Variants in PIK3C2G observed in about 807,000 individuals in gnomAD.
PIK3C2G encodes phosphatidylinositol 3-kinase C2 domain-containing subunit gamma.
PIK3C2G carries 168 observed loss-of-function variants against 181.1 expected under a neutral mutation model. The ratio of observed to expected loss-of-function variants is 0.93; its 90% CI spans 0.82 to 1.05. The LOEUF is 1.05. Among genes scored for constraint, PIK3C2G ranks in the 50% least tolerant of loss-of-function variants. PIK3C2G has a pLI of 0.00. For synonymous variants in PIK3C2G, 573 were observed against 592.2 expected (o/e 0.97, Z 0.47); for missense variants, 1,869 against 1,732.8 (o/e 1.08, Z -1.40).
the PIK3C2G span, among the ~76,000 whole-genome samples, chr12:18,670,397 T>C: frequency 6.6e-6 from 1 of 152,048 alleles, no homozygotes; most frequent in East Asian, 1.9e-4. Context: ...AACATAGATA[T>C]TGTCTAGTTC....
At chr12:18,485,228 A>G (rs1157651504) in intron 18 of PIK3C2G, among the ~76,000 whole-genome samples, 1 of 152,142 alleles carries the variant, frequency 6.6e-6, no homozygotes, top group Non-Finnish European at 1.5e-5. Context: ...CTGCTGGTAG[A>G]CTGATGGAAT....
At chr12:18,462,605 T>C (rs566676678) in intron 18 of PIK3C2G, among the ~76,000 whole-genome samples, 2 of 152,250 alleles carry the variant, frequency 1.3e-5, no homozygotes, top group East Asian at 1.9e-4. Context: ...CCAGTGCCCA[T>C]GGGAAAGCTA....
intron 30 of PIK3C2G, 57 bp downstream of exon 30, chr12:18,594,626 A>C: frequency 1.1e-6 from 1 of 888,048 alleles, no homozygotes; most frequent in African/African-American, 1.8e-5. Flanking sequence ...TTGGACAAAA[A>C]GATATCACAA....
At chr12:18,645,506 G>A (rs1229843307) in intron 32 of PIK3C2G, among the ~76,000 whole-genome samples, 1 of 152,122 alleles carries the variant, frequency 6.6e-6, no homozygotes, top group Non-Finnish European at 1.5e-5. Context: ...AACTCCTAAA[G>A]TCATTTCTTG....
At chr12:18,506,285 G>A (rs902063533) in intron 24 of PIK3C2G, among the ~76,000 whole-genome samples, 11 of 152,140 alleles carry the variant, frequency 7.2e-5, no homozygotes, top group Non-Finnish European at 1.6e-4. Context: ...AGGAGGTAAG[G>A]GTGAAGAGTT....
At chr12:18,403,275 T>C (rs1225041476) in intron 16 of PIK3C2G, among the ~76,000 whole-genome samples, 3 of 152,206 alleles carry the variant, frequency 2.0e-5, no homozygotes, top group Non-Finnish European at 4.4e-5. Context: ...TCAGGGAACT[T>C]AGTAGAATCC....
the PIK3C2G span, chr12:18,705,073 T>G: frequency 2.7e-6 from 4 of 1,476,288 alleles, no homozygotes; most frequent in African/African-American, 2.8e-5. Context: ...AGCATTTTCA[T>G]TGGTCTCTAG....
At chr12:18,712,697 A>G in the PIK3C2G span, 3 of 984,856 alleles carry the variant, frequency 3.0e-6, no homozygotes, top group Non-Finnish European at 4.6e-6. Flanking sequence ...TATATACAAC[A>G]TGGATTTCAC....
chr12:18,319,298 C>T (rs56029004), intron 6 of PIK3C2G, among the ~76,000 whole-genome samples: 22,669 of 151,900 alleles, frequency 0.15, 2,115 homozygotes, highest in African/African-American at 0.24. Flanking sequence ...GGAACATTCA[C>T]GAACATTTAC....
At chr12:18,586,721 C>A (rs961632593) in intron 29 of PIK3C2G, among the ~76,000 whole-genome samples, 2 of 152,062 alleles carry the variant, frequency 1.3e-5, no homozygotes, top group Non-Finnish European at 2.9e-5. Flanking sequence ...TTCCATGAGG[C>A]CAGCATCATC....
At chr12:18,461,898 G>A (rs1200659124) in intron 18 of PIK3C2G, among the ~76,000 whole-genome samples, 1 of 152,166 alleles carries the variant, frequency 6.6e-6, no homozygotes, top group Admixed American at 6.6e-5. Flanking sequence ...GCCTCTTCCA[G>A]CTTCAAGAGA....
intron 1 of PIK3C2G, among the ~76,000 whole-genome samples, chr12:18,268,209 A>T (rs1020718066): frequency 6.6e-6 from 1 of 152,134 alleles, no homozygotes; most frequent in African/African-American, 2.4e-5. Flanking sequence ...CATATGATAA[A>T]AATTTAGTTG....
chr12:18,442,641 T>C lies in PIK3C2G; in HGVS notation c.2504+18602T>C, dbSNP rs556868700. 2.2e-4 allele frequency among the ~76,000 whole-genome samples: 33 copies of C among 152,266 alleles called. No individual in the cohort carries two copies. In the South Asian group the frequency reaches 6.8e-3, roughly 32 times the overall value. On this transcript the variant is annotated intron_variant, in intron 18 of 32. Coordinates refer to ENST00000538779, the MANE Select transcript of PIK3C2G (RefSeq NM_001288772.2). ...TAAAAGGAGAGAGGAGTAGCCATAT[T>C]ATGTTTCTAAAACAGGACTCATTGT...
At chr12:18,644,689 G>A (rs148316146) in intron 32 of PIK3C2G, among the ~76,000 whole-genome samples, 3 of 152,166 alleles carry the variant, frequency 2.0e-5, no homozygotes, top group African/African-American at 7.2e-5. Context: ...AAGACAATGT[G>A]ACCCAGAGGT....
chr12:18,609,730 T>C (rs1008940212), intron 31 of PIK3C2G, 101 bp downstream of exon 31: 10 of 674,918 alleles, frequency 1.5e-5, no homozygotes, highest in Non-Finnish European at 2.3e-5. Context: ...AGAATGGGTA[T>C]CTCCGCCAAG....
At chr12:18,291,407 G>C (rs1414164923) in intron 4 of PIK3C2G, among the ~76,000 whole-genome samples, 4 of 152,112 alleles carry the variant, frequency 2.6e-5, no homozygotes, top group South Asian at 4.2e-4. Flanking sequence ...GGTAGAATAG[G>C]CATTGTTACA....
the PIK3C2G span, among the ~76,000 whole-genome samples, chr12:18,705,848 A>C: frequency 6.7e-6 from 1 of 149,572 alleles, no homozygotes; most frequent in Non-Finnish European, 1.5e-5. Flanking sequence ...CCTGGGTGAC[A>C]GAGCAAGACT....
intron 17 of PIK3C2G, among the ~76,000 whole-genome samples, chr12:18,422,306 T>C (rs1361990849): frequency 6.9e-6 from 1 of 144,266 alleles, no homozygotes; most frequent in Non-Finnish European, 1.5e-5. Context: ...ATAGATAATG[T>C]GACTAGAAAA....
At chr12:18,252,525 A>T (rs1035205526) in intron 1 of PIK3C2G, among the ~76,000 whole-genome samples, 1 of 152,198 alleles carries the variant, frequency 6.6e-6, no homozygotes, top group South Asian at 2.1e-4. Context: ...AGCCTTCAGA[A>T]ATGAAAACCC....
Sources: allele counts gnomAD v4.1 joint callset (sites outside exome capture counted in the v4.1 genomes callset), GRCh38; gene constraint gnomAD v4.1.1; transcripts MANE v1.5; gene names NCBI Gene and HGNC (gene_info 2026-07-23, HGNC 2026-07-21).